The following SMARCD1 variants were observed in gnomAD, a reference collection of about 807,000 sequenced individuals.
The protein encoded by SMARCD1 is SWI/SNF-related matrix-associated actin-dependent regulator of chromatin subfamily D member 1.
Under a neutral mutation model 70.8 loss-of-function variants are expected in SMARCD1, and 16 were observed. The ratio of observed to expected loss-of-function variants is 0.23; its 90% CI spans 0.15 to 0.34. The LOEUF (loss-of-function observed/expected upper bound fraction) is 0.34. Ranked by LOEUF, SMARCD1 falls within the 10% of genes least tolerant of loss-of-function variation. SMARCD1 has a pLI of 1.00. For synonymous variants in SMARCD1, 249 were observed against 246.0 expected, an observed-to-expected ratio of 1.01 and a Z score of -0.11; for missense variants, 409 against 655.5, an observed-to-expected ratio of 0.62 and a Z score of 4.11.
chr12:50,091,768 G>A (rs1480704061), intron 9 of SMARCD1, among the ~76,000 whole-genome samples: 2 of 72,414 alleles, frequency 2.8e-5, no homozygotes, highest in South Asian at 3.4e-4. Context: ...TAGTAGAGAC[G>A]GGGCTTCACC....
rs140607568 is a variant in SMARCD1, at chr12:50,098,361, G to A, written c.1393-353G>A. 452 of 290,456 alleles carry A rather than the reference G, an allele frequency of 1.6e-3. 1 individual carries two copies. The highest frequency in any genetic ancestry group is 9.6e-3 in the African/African-American group (439 of 45,670). 18.0% of individuals were successfully genotyped at this position (290,456 alleles called of 1,614,324 possible). Reference sequence around the variant, plus strand: ...TTCCGCGAGCTGGGAGGGAGACTCTGTTCTGTGCATCTCTCAGCTTCTGGT... The same window carrying A: ...TTCCGCGAGCTGGGAGGGAGACTCTATTCTGTGCATCTCTCAGCTTCTGGT... On this transcript the variant is annotated intron_variant, in intron 11 of 12. Coordinates refer to ENST00000394963, the MANE Select transcript of SMARCD1 (RefSeq NM_003076.5).
intron 10 of SMARCD1, among the ~76,000 whole-genome samples, chr12:50,095,803 T>C (rs2137900015): frequency 6.6e-6 from 1 of 152,320 alleles, no homozygotes; most frequent in South Asian, 2.1e-4. Flanking sequence ...GTATGCTAGA[T>C]GCAGCATAGA....
At position 50,099,199 on chromosome 12, in the gene SMARCD1, TC is replaced by T. The variant is rs1017007086; in HGVS notation, c.*202del. 6.4e-6 allele frequency: 4 copies of T among 623,788 alleles called. No individual in the cohort carries two copies. The highest frequency in any genetic ancestry group is 1.1e-5 in the Non-Finnish European group (4 of 350,512). 38.6% of individuals were successfully genotyped at this position (623,788 alleles called of 1,614,324 possible). On this transcript the variant is annotated 3_prime_UTR_variant, in exon 13 of 13. Transcript: ENST00000394963. ...ACCCTATCTCTTCCCACCCCCAGCT[TC>T]CCTTTGCCCCACAAAGTTCCCATGT...
At chr12:50,093,899 C>T (rs1950869471) in intron 9 of SMARCD1, among the ~76,000 whole-genome samples, 1 of 152,202 alleles carries the variant, frequency 6.6e-6, no homozygotes, top group Non-Finnish European at 1.5e-5. Flanking sequence ...CCTGCCTCAG[C>T]TTCCCCAGTA....
intron 9 of SMARCD1, among the ~76,000 whole-genome samples, chr12:50,092,809 G>A (rs1185956599): frequency 6.6e-6 from 1 of 152,050 alleles, no homozygotes; most frequent in Non-Finnish European, 1.5e-5. Flanking sequence ...GGCTGAGGTG[G>A]GTAGATCACT....
At chr12:50,093,002 C>G (rs1032148126) in intron 9 of SMARCD1, among the ~76,000 whole-genome samples, 1 of 151,792 alleles carries the variant, frequency 6.6e-6, no homozygotes, top group African/African-American at 2.4e-5. Flanking sequence ...ATGGTGAAAC[C>G]CCATCTCTAC....
intron 10 of SMARCD1, 23 bp downstream of exon 10, chr12:50,094,595 G>C: frequency 6.2e-7 from 1 of 1,609,564 alleles, no homozygotes; most frequent in Non-Finnish European, 8.5e-7. Context: ...GCCCTGGATA[G>C]TTGGGTACCA....
intron 9 of SMARCD1, among the ~76,000 whole-genome samples, chr12:50,092,383 C>T (rs1159412903): frequency 6.6e-6 from 1 of 151,426 alleles, no homozygotes; most frequent in Non-Finnish European, 1.5e-5. Flanking sequence ...GCCACCACGC[C>T]CAGCTAATTT....
Position 50,094,556 on chromosome 12 carries a change from C to G in SMARCD1, c.1253C>G (p.Ala418Gly). The G allele has an allele frequency of 1.2e-6, 2 of 1,614,112 alleles. No individual in the cohort carries two copies. The highest frequency in any genetic ancestry group is 3.3e-5 in the Admixed American group (2 of 60,010). ...TCCACTGCCAGCCAACAGGAGATTG[C>G]TACTCTAGACAACAAGGTAGGGGTC... is the stretch of plus-strand genomic sequence containing the variant. The part of the protein sequence containing the change: ...LLSTASQQEI[A>G]TLDNKIHETI... Residue 418 changes from alanine to glycine, a missense_variant, in exon 10 of 13, where the codon GCT becomes GGT. Transcript: ENST00000394963.
intron 9 of SMARCD1, among the ~76,000 whole-genome samples, chr12:50,094,223 T>C (rs1950872184): frequency 6.6e-6 from 1 of 152,250 alleles, no homozygotes; most frequent in Admixed American, 6.5e-5. Flanking sequence ...TAACAAATTA[T>C]ACCAATTGAA....
chr12:50,088,996 A>T (rs2137879892), intron 6 of SMARCD1: 1 of 158,642 alleles, frequency 6.3e-6, no homozygotes, highest in South Asian at 2.0e-4. Context: ...CAGTTGCTGT[A>T]ATTAGAGTGA....
At chr12:50,086,939 A>G (rs1321535743) in intron 4 of SMARCD1, 61 bp downstream of exon 4, 21 of 1,560,746 alleles carry the variant, frequency 1.3e-5, no homozygotes, top group Non-Finnish European at 1.7e-5. Context: ...CTTCAGCAGA[A>G]TTAGGATGAG....
chr12:50,092,003 G>C (rs2137889061), intron 9 of SMARCD1, among the ~76,000 whole-genome samples: 1 of 152,240 alleles, frequency 6.6e-6, no homozygotes, highest in Non-Finnish European at 1.5e-5. Flanking sequence ...GGGCTCAGCA[G>C]CCATCTTTTC....
intron 10 of SMARCD1, among the ~76,000 whole-genome samples, chr12:50,095,825 G>A (rs755740530): frequency 6.6e-6 from 1 of 152,170 alleles, no homozygotes; most frequent in Non-Finnish European, 1.5e-5. Context: ...TGCCGAGGAC[G>A]GGATGTTTTG....
Position 50,086,142 on chromosome 12 carries a change from G to A in SMARCD1, c.178-19G>A, listed in dbSNP as rs1345703236. 1 of 1,469,982 alleles carries A rather than the reference G, an allele frequency of 6.8e-7. No homozygotes were observed. The highest frequency in any genetic ancestry group is 9.1e-7 in the Non-Finnish European group (1 of 1,102,528). The allele number at this position is 1,469,982 out of a possible 1,614,324, so 91.1% of individuals were successfully genotyped here. ...AGCAGGTGAAACCATGACATCTCTGGGTCCTCTCCCCTCTGTAGAGACCAG... is the reference window on the plus strand; with the variant it reads ...AGCAGGTGAAACCATGACATCTCTGAGTCCTCTCCCCTCTGTAGAGACCAG... On this transcript the variant is annotated intron_variant, in intron 1 of 12. Coordinates refer to ENST00000394963, the MANE Select transcript of SMARCD1 (RefSeq NM_003076.5).
Position 50,099,220 on chromosome 12 carries a change from C to T in SMARCD1, c.*220C>T, listed in dbSNP as rs1277638552. On this transcript the variant is annotated 3_prime_UTR_variant, in exon 13 of 13. Transcript: ENST00000394963. ...AGCTTCCCTTTGCCCCACAAAGTTCCCATGTGCCTGTACCCTCCCCTGGTC... is the reference window on the plus strand; with the variant it reads ...AGCTTCCCTTTGCCCCACAAAGTTCTCATGTGCCTGTACCCTCCCCTGGTC... 5 of 616,914 alleles carry T rather than the reference C, an allele frequency of 8.1e-6. No homozygotes were observed. Among genetic ancestry groups the T allele is most frequent in the Non-Finnish European group, 1.2e-5 (4 of 346,368 alleles). 38.2% of individuals were successfully genotyped at this position (616,914 alleles called of 1,614,324 possible).
At chr12:50,086,369 AGG>A in intron 2 of SMARCD1, 21 bp downstream of exon 2, 1 of 389,638 alleles carries the variant, frequency 2.6e-6, no homozygotes, top group Non-Finnish European at 5.2e-6. Context: ...CCTGGGGCAG[AGG>A]GAGGGAGGGA....
intron 10 of SMARCD1, among the ~76,000 whole-genome samples, chr12:50,095,387 C>T (rs1027717179): frequency 5.9e-5 from 9 of 151,666 alleles, no homozygotes; most frequent in Non-Finnish European, 1.3e-4. Flanking sequence ...AGTGCAATGG[C>T]ATGATCTTGG....
At chr12:50,089,418 A>G (rs545414863) in intron 6 of SMARCD1, 1 of 157,730 alleles carries the variant, frequency 6.3e-6, no homozygotes, top group African/African-American at 2.4e-5. Flanking sequence ...CAGAGCTCAA[A>G]TGGTGGCTCC....
Sources: gnomAD v4.1 joint callset for allele counts (sites outside exome capture counted in the v4.1 genomes callset) on GRCh38, gnomAD v4.1.1 for gene constraint, MANE v1.5 for transcripts, NCBI Gene and HGNC (gene_info 2026-07-23, HGNC 2026-07-21) for gene names.